Variants in AGMAT observed in about 807,000 individuals in gnomAD.
AGMAT encodes agmatinase (putative).
AGMAT carries 37 observed loss-of-function variants against 29.3 expected under a neutral mutation model. The ratio of observed to expected loss-of-function variants is 1.26; its 90% confidence interval spans 0.97 to 1.66. The LOEUF (loss-of-function observed/expected upper bound fraction) is 1.66. AGMAT is among the 40% of genes most tolerant of loss of function. The pLI, the probability that AGMAT is intolerant of heterozygous loss-of-function variation, is 0.00. For missense variants in AGMAT, 498 were observed against 497.8 expected (o/e 1.00, Z 0.00); for synonymous variants, 199 against 200.8 (o/e 0.99, Z 0.08).
At chr1:15,577,498 G>A (rs1639056158) in intron 5 of AGMAT, among the ~76,000 whole-genome samples, 187 bp downstream of exon 5, 2 of 152,152 alleles carry the variant, frequency 1.3e-5, no homozygotes, top group South Asian at 4.1e-4. Flanking sequence ...GCTTGAACCT[G>A]GGAGGCGGAG....
At position 15,577,843 on chromosome 1, in the gene AGMAT, C is replaced by T; in HGVS notation, c.742G>A (p.Glu248Lys). The T allele has an allele frequency of 6.2e-7, 1 of 1,614,148 alleles. No homozygotes were observed. The highest frequency in any genetic ancestry group is 8.5e-7 in the Non-Finnish European group (1 of 1,179,994). ...ACCAGCGACTTCATCCAGCAGTCTT[C>T]AGCCAGGACTACCCGGAAGCCCTGC... ...RSQGFRVVLA[E>K]DCWMKSLVPL... Residue 248 changes from glutamate (E) to lysine (K), a missense_variant, in exon 5 of 7, where the codon GAA (glutamate) becomes AAA (lysine). Physicochemically the swap from Glu to Lys is moderately conservative, Grantham distance 56. Transcript: ENST00000375826.
rs1638990344 is a variant in AGMAT at position 15,573,566 on chromosome 1, C to T, written c.*85G>A. 2 of 1,306,796 alleles carry T rather than the reference C, an allele frequency of 1.5e-6. No homozygotes were observed. The highest frequency in any genetic ancestry group is 2.2e-6 in the Non-Finnish European group (2 of 906,628). 81.0% of individuals were successfully genotyped at this position (1,306,796 alleles called of 1,614,324 possible). A position where few individuals can be genotyped will look rare whatever the true frequency, so the allele number is the denominator to read the frequency against. On this transcript the variant is annotated 3_prime_UTR_variant, in exon 7 of 7. Transcript: ENST00000375826. ...GCAGAAAGTTTTCTTGGCATAAACT[C>T]TTTAGTTCTCAGACTGCTTACTCAT...
At position 15,571,850 on chromosome 1, in the gene AGMAT, T is replaced by C. The variant is rs1638953772; in HGVS notation, c.*1801A>G. The C allele has an allele frequency of 6.6e-6, 1 of 152,156 alleles. No homozygotes were observed. The highest frequency in any genetic ancestry group is 2.1e-4 in the South Asian group (1 of 4,828). The allele number at this position is 152,156 out of a possible 1,614,324, so 9.4% of individuals were successfully genotyped here. A position where few individuals can be genotyped will look rare whatever the true frequency, so the allele number is the denominator to read the frequency against. ...AAGATCACCACAGCATAACTGCAGA[T>C]TTCAGGAATTACAGTCATAGAGGGT... On this transcript the variant is annotated 3_prime_UTR_variant, in exon 7 of 7. Coordinates refer to ENST00000375826, the MANE Select transcript of AGMAT (RefSeq NM_024758.5).
At chr1:15,578,195 G>A (rs1420780397) in intron 4 of AGMAT, among the ~76,000 whole-genome samples, 1 of 152,126 alleles carries the variant, frequency 6.6e-6, no homozygotes, top group Non-Finnish European at 1.5e-5. Context: ...GTTCCATTGG[G>A]GTCTTGTCAT....
At chr1:15,574,036 C>T (rs1214756569) in intron 6 of AGMAT, among the ~76,000 whole-genome samples, 1 of 152,186 alleles carries the variant, frequency 6.6e-6, no homozygotes, top group African/African-American at 2.4e-5. Context: ...GGCCTAATTC[C>T]ATAAGTTTGT....
At chr1:15,574,533 C>T (rs1639004816) in intron 6 of AGMAT, among the ~76,000 whole-genome samples, 1 of 152,020 alleles carries the variant, frequency 6.6e-6, no homozygotes, top group South Asian at 2.1e-4. Context: ...TGTGTGCCAC[C>T]ACACCTGGCT....
chr1:15,573,629 T>C lies in AGMAT; in HGVS notation c.*22A>G. 6.2e-7 allele frequency: 1 copy of C among 1,612,172 alleles called. No homozygotes were observed. Among genetic ancestry groups the C allele is most frequent in the Admixed American group, 1.7e-5 (1 of 59,986 alleles). The stretch of plus-strand genomic sequence containing the variant: ...AGAACTTGTCAGCGACGCAATCTGT[T>C]TTGTCTTGAAGAGCACAAGACTCAG... On this transcript the variant is annotated 3_prime_UTR_variant, in exon 7 of 7. Transcript: ENST00000375826.
At position 15,574,765 on chromosome 1, in the gene AGMAT, T is replaced by C; in HGVS notation, c.977A>G (p.Asp326Gly). ...TCTCTTTGCTTACTCACCAGAAAGATCATACGGTGGTGAAACTTCGACAAG... is the reference window on the plus strand; with the variant it reads ...TCTCTTTGCTTACTCACCAGAAAGACCATACGGTGGTGAAACTTCGACAAG... The part of the protein sequence containing the change: ...CDLVEVSPPY[D>G]LSGNTALLAA... The change falls in exon 6 of 7, where the codon GAT becomes GGT. Residue 326 changes from aspartate to glycine, a missense_variant. Physicochemically the swap from Asp to Gly is moderately conservative, Grantham distance 94 (BLOSUM62 -1). Transcript: ENST00000375826. 6.2e-7 allele frequency: 1 copy of C among 1,613,632 alleles called. No individual in the cohort carries two copies. The highest frequency in any genetic ancestry group is 8.5e-7 in the Non-Finnish European group (1 of 1,179,596).
intron 5 of AGMAT, among the ~76,000 whole-genome samples, chr1:15,577,162 T>C (rs1639052217): frequency 6.6e-6 from 1 of 152,082 alleles, no homozygotes; most frequent in Admixed American, 6.6e-5. Context: ...TAAGGGACTA[T>C]TATATCCCAG....
At chr1:15,577,989 A>G (rs954532993) in intron 4 of AGMAT, 125 bp from the exon 5 acceptor site, 4 of 934,562 alleles carry the variant, frequency 4.3e-6, no homozygotes, top group Non-Finnish European at 6.2e-6. Flanking sequence ...AGAGGGAACT[A>G]TCCTATTTTA....
intron 2 of AGMAT, 119 bp downstream of exon 2, chr1:15,583,074 A>T: frequency 1.2e-6 from 1 of 848,648 alleles, no homozygotes; most frequent in Non-Finnish European, 1.9e-6. Flanking sequence ...TCTCTTTCCT[A>T]CTGTCTGCAC....
chr1:15,584,502 T>G (rs769089018), intron 1 of AGMAT, among the ~76,000 whole-genome samples, 194 bp downstream of exon 1: 5 of 152,102 alleles, frequency 3.3e-5, no homozygotes, highest in African/African-American at 9.7e-5. Flanking sequence ...CACGCCCATG[T>G]TGAGCCCTGG....
chr1:15,581,906 G>A (rs1365316268), intron 2 of AGMAT, among the ~76,000 whole-genome samples: 2 of 151,600 alleles, frequency 1.3e-5, no homozygotes, highest in African/African-American at 4.8e-5. Flanking sequence ...TACCTTACTG[G>A]ACAGCACAGA....
intron 4 of AGMAT, among the ~76,000 whole-genome samples, chr1:15,578,643 G>A (rs1454279660): frequency 6.6e-6 from 1 of 151,984 alleles, no homozygotes; most frequent in East Asian, 1.9e-4. Flanking sequence ...GTCGATTTCT[G>A]CTTGTCTCCC....
Position 15,584,720 on chromosome 1 carries a change from C to A in AGMAT, c.248G>T (p.Gly83Val), listed in dbSNP as rs1266055798. ...AAFIGVPLDT[G>V]TSNRPGARFG... Reference sequence around the variant, plus strand: ...CCTCGCCCCAGGCCGGTTGGAGGTCCCAGTATCCAGGGGCACCCCGATGAA... The same window carrying A: ...CCTCGCCCCAGGCCGGTTGGAGGTCACAGTATCCAGGGGCACCCCGATGAA... Residue 83 changes from glycine (G) to valine (V), a missense_variant, in exon 1 of 7, where the codon GGG becomes GTG. Gly to Val is a moderately radical substitution (Grantham distance 109). Coordinates refer to ENST00000375826, the MANE Select transcript of AGMAT (RefSeq NM_024758.5). 18 of 1,336,526 alleles carry A rather than the reference C, an allele frequency of 1.3e-5. No homozygotes were observed. The highest frequency in any genetic ancestry group is 1.7e-5 in the Non-Finnish European group (18 of 1,038,136). 82.8% of individuals were successfully genotyped at this position (1,336,526 alleles called of 1,614,324 possible). A position where few individuals can be genotyped will look rare whatever the true frequency, so the allele number is the denominator to read the frequency against.
At chr1:15,578,483 C>CG (rs1415285510) in intron 4 of AGMAT, among the ~76,000 whole-genome samples, 4 of 152,044 alleles carry the variant, frequency 2.6e-5, no homozygotes, top group African/African-American at 9.6e-5. Context: ...TTAGGAGAGA[C>CG]GGGGTTTCAC....
Position 15,584,936 on chromosome 1 carries a change from CG to C in AGMAT, c.31del (p.Arg11GlyfsTer49). ...CGCGCCCACGCCGGGCCCCGGGCCC[CG>C]GGCGCACCCGGACGCCAGCAGCCTC... MLRLLASGCA[R>X]GPGPGVGARP... On this transcript the variant is annotated frameshift_variant, in exon 1 of 7. Coordinates refer to ENST00000375826, the MANE Select transcript of AGMAT (RefSeq NM_024758.5). LOFTEE classifies it high-confidence loss of function. 7.3e-7 allele frequency: 1 copy of C among 1,365,758 alleles called. No homozygotes were observed. Among genetic ancestry groups the C allele is most frequent in the Non-Finnish European group, 9.4e-7 (1 of 1,067,886 alleles). 84.6% of individuals were successfully genotyped at this position (1,365,758 alleles called of 1,614,324 possible). A position where few individuals can be genotyped will look rare whatever the true frequency, so the allele number is the denominator to read the frequency against.
At chr1:15,580,301 G>C (rs1639095326) in intron 2 of AGMAT, among the ~76,000 whole-genome samples, 159 bp from the exon 3 acceptor site, 1 of 147,958 alleles carries the variant, frequency 6.8e-6, no homozygotes, top group Non-Finnish European at 1.5e-5. Flanking sequence ...TGCCTCCCAG[G>C]TTCAAGCGAT....
Position 15,573,447 on chromosome 1 carries a change from T to TC in AGMAT, c.*203_*204insG. Reference sequence around the variant, plus strand: ...AAGCAGTACAAGTACTCCTTTTTTTTTCCCCCAATTAATCCAAGTTCCTTA... The same window carrying TC: ...AAGCAGTACAAGTACTCCTTTTTTTTCTCCCCCAATTAATCCAAGTTCCTTA... On this transcript the variant is annotated 3_prime_UTR_variant, in exon 7 of 7. Coordinates refer to ENST00000375826, the MANE Select transcript of AGMAT (RefSeq NM_024758.5). The TC allele has an allele frequency of 1.9e-6, 1 of 531,816 alleles. No individual in the cohort carries two copies. Among genetic ancestry groups the TC allele is most frequent in the African/African-American group, 1.9e-5 (1 of 52,678 alleles). The allele number at this position is 531,816 out of a possible 1,614,324, so 32.9% of individuals were successfully genotyped here.
Sources: gnomAD v4.1 joint callset for allele counts (sites outside exome capture counted in the v4.1 genomes callset) on GRCh38, gnomAD v4.1.1 for gene constraint, MANE v1.5 for transcripts, NCBI Gene and HGNC (gene_info 2026-07-23, HGNC 2026-07-21) for gene names.